The following RAP1GAP2 variants were observed in gnomAD, a reference collection of about 807,000 sequenced individuals.
The protein encoded by RAP1GAP2 is RAP1 GTPase activating protein 2.
Under a neutral mutation model 95.0 loss-of-function variants are expected in RAP1GAP2, and 27 were observed. The observed-to-expected ratio is 0.28, with a 90% confidence interval of 0.21 to 0.39. RAP1GAP2 has a LOEUF of 0.39. RAP1GAP2 is among the 10% of genes least tolerant of loss of function. RAP1GAP2 has a pLI of 1.00. For missense variants in RAP1GAP2, 771 were observed against 970.0 expected (o/e 0.79, Z 2.72); for synonymous variants, 373 against 380.9 (o/e 0.98, Z 0.24).
intron 2 of RAP1GAP2, among the ~76,000 whole-genome samples, chr17:2,884,290 G>C (rs531124698): frequency 6.6e-6 from 1 of 151,856 alleles, no homozygotes; most frequent in South Asian, 2.1e-4. Flanking sequence ...TTCATTCTTT[G>C]CTTCTTCAAT....
rs76412899 is a variant in RAP1GAP2, at chr17:2,963,330, C to T, written c.247-100C>T. 3.1e-6 allele frequency: 4 copies of T among 1,290,258 alleles called. No homozygotes were observed. The highest frequency in any genetic ancestry group is 1.5e-5 in the African/African-American group (1 of 68,402). The allele number at this position is 1,290,258 out of a possible 1,614,324, so 79.9% of individuals were successfully genotyped here. On this transcript the variant is annotated intron_variant, in intron 5 of 24. Coordinates refer to ENST00000254695, the MANE Select transcript of RAP1GAP2 (RefSeq NM_015085.5). This position sits in a 1 kb window ranked among gnomAD's most constrained non-coding sequence, Gnocchi z 4.8. ...TCCATCGAATGTTCCTCCCTCAAAG[C>T]CCCCCCACAACATATCCCCCTTGCA...
chr17:2,946,369 G>C (rs1013276634), intron 3 of RAP1GAP2, among the ~76,000 whole-genome samples: 1 of 152,074 alleles, frequency 6.6e-6, no homozygotes, highest in Non-Finnish European at 1.5e-5. Flanking sequence ...TAAGTGTTTG[G>C]TCGGCTTCAC....
Position 3,024,743 on chromosome 17 carries a change from A to G in RAP1GAP2, c.1752-1265A>G, listed in dbSNP as rs1366505009. Among the ~76,000 whole-genome samples, 3 of 152,386 alleles carry G rather than the reference A, an allele frequency of 2.0e-5. No homozygotes were observed. The East Asian group carries it at 5.8e-4, about 29-fold the overall frequency. On this transcript the variant is annotated intron_variant, in intron 19 of 24. Transcript: ENST00000254695. ...ATATTATTGCAGTAAAAAGGAATAA[A>G]GTCCTGATACAAGCTACAACATAGA...
At chr17:2,847,434 G>T (rs1331156750) in intron 2 of RAP1GAP2, among the ~76,000 whole-genome samples, 1 of 152,098 alleles carries the variant, frequency 6.6e-6, no homozygotes, top group African/African-American at 2.4e-5. Context: ...AGCCCTAGTC[G>T]CCTGGAAATC....
chr17:2,817,774 A>G (rs142739496), intron 2 of RAP1GAP2, among the ~76,000 whole-genome samples: 5,122 of 118,154 alleles, frequency 0.043, 1,565 homozygotes, highest in Non-Finnish European at 0.071. Flanking sequence ...AACTGCCTCA[A>G]CCTCCCAAAG....
intron 3 of RAP1GAP2, among the ~76,000 whole-genome samples, chr17:2,914,703 G>T (rs1436360635): frequency 6.6e-6 from 1 of 150,988 alleles, no homozygotes; most frequent in Non-Finnish European, 1.5e-5. Context: ...TGTTAGCCAG[G>T]ATGGTCTCAA....
chr17:2,947,497 C>T (rs779380115), intron 3 of RAP1GAP2, among the ~76,000 whole-genome samples: 4 of 152,202 alleles, frequency 2.6e-5, no homozygotes, highest in African/African-American at 4.8e-5. Context: ...CCGCTTGCTT[C>T]GTTGCATCTT....
chr17:2,844,662 C>T (rs900917849), intron 2 of RAP1GAP2, among the ~76,000 whole-genome samples: 5 of 152,034 alleles, frequency 3.3e-5, no homozygotes, highest in South Asian at 2.1e-4. Flanking sequence ...GACTTAATGT[C>T]GGGGTGGGAA....
At chr17:3,016,099 A>G (rs9905977) in intron 17 of RAP1GAP2, among the ~76,000 whole-genome samples, 107,148 of 152,138 alleles carry the variant, frequency 0.7, 37,900 homozygotes, top group African/African-American at 0.74. Flanking sequence ...CTCAGTCAGC[A>G]TCAAGATTCC....
At chr17:2,985,278 TG>T (rs372526952) in intron 11 of RAP1GAP2, among the ~76,000 whole-genome samples, 895 of 47,596 alleles carry the variant, frequency 0.019, 6 homozygotes, top group African/African-American at 0.059. Context: ...TAAACAGTGA[TG>T]TTTTTTTTTT....
intron 2 of RAP1GAP2, among the ~76,000 whole-genome samples, chr17:2,821,802 A>T (rs1417773077): frequency 6.6e-6 from 1 of 152,074 alleles, no homozygotes; most frequent in African/African-American, 2.4e-5. Context: ...CAACGCAGGT[A>T]CAGAACATTA....
chr17:3,013,635 T>TC (rs2046648698), intron 17 of RAP1GAP2, among the ~76,000 whole-genome samples: 2 of 134,638 alleles, frequency 1.5e-5, no homozygotes, highest in Non-Finnish European at 3.2e-5. Context: ...TTCTTTTCTT[T>TC]TTTTTTTTTT....
chr17:3,007,947 C>T (rs2046387063), intron 16 of RAP1GAP2, 64 bp from the exon 17 acceptor site: 5 of 1,566,986 alleles, frequency 3.2e-6, no homozygotes, highest in Admixed American at 1.7e-5. Flanking sequence ...CTGGAGCTCA[C>T]AAGGAGCAGG....
chr17:3,000,109 A>G (rs1042742277), intron 14 of RAP1GAP2, among the ~76,000 whole-genome samples: 3 of 152,014 alleles, frequency 2.0e-5, no homozygotes, highest in Non-Finnish European at 2.9e-5. Context: ...CACCATGCCC[A>G]GCTAATTTTT....
chr17:2,914,569 C>G (rs895370793), intron 3 of RAP1GAP2, among the ~76,000 whole-genome samples: 18 of 152,228 alleles, frequency 1.2e-4, no homozygotes, highest in Admixed American at 4.6e-4. Context: ...CAGCTCACTG[C>G]AAGCTCTGCC....
At chr17:2,933,238 A>C (rs936072266) in intron 3 of RAP1GAP2, among the ~76,000 whole-genome samples, 1 of 152,128 alleles carries the variant, frequency 6.6e-6, no homozygotes, top group African/African-American at 2.4e-5. Context: ...CTGTGGAGTG[A>C]GGGAGGGGGC....
At chr17:2,839,314 A>C (rs1194434466) in intron 2 of RAP1GAP2, among the ~76,000 whole-genome samples, 1 of 151,346 alleles carries the variant, frequency 6.6e-6, no homozygotes, top group Non-Finnish European at 1.5e-5. Context: ...TGTCTTAATA[A>C]TAAAAAAAAA....
intron 2 of RAP1GAP2, among the ~76,000 whole-genome samples, chr17:2,824,120 C>CAAAAA (rs71150900): frequency 1.9e-5 from 2 of 105,430 alleles, no homozygotes; most frequent in Non-Finnish European, 3.7e-5. Flanking sequence ...AAGACTGTCT[C>CAAAAA]AAAAAAAAAA....
upstream of RAP1GAP2, chr17:2,796,428 C>T: frequency 1.5e-6 from 2 of 1,375,246 alleles, no homozygotes; most frequent in East Asian, 5.0e-5. The surrounding 1 kb of genome is among the most constrained non-coding windows in gnomAD (Gnocchi z 4.7). Context: ...GCTCCCCGCC[C>T]TGCACCGGCA....
Sources: gnomAD v4.1 joint callset for allele counts (sites outside exome capture counted in the v4.1 genomes callset) on GRCh38, gnomAD v4.1.1 for gene constraint, Gnocchi (gnomAD v3.1) non-coding constraint, MANE v1.5 for transcripts, NCBI Gene and HGNC (gene_info 2026-07-23, HGNC 2026-07-21) for gene names.